THRB: variants seen among roughly 807,000 people sequenced by gnomAD.
THRB encodes the protein thyroid hormone receptor beta.
A neutral mutation model predicts 47.8 loss-of-function variants in THRB; 12 were observed. The ratio of observed to expected loss-of-function variants is 0.25; its 90% confidence interval spans 0.16 to 0.41. THRB has a LOEUF of 0.41. Ranked by LOEUF, THRB falls within the 10% of genes least tolerant of loss-of-function variation. The pLI, the probability that THRB is intolerant of heterozygous loss-of-function variation, is 1.00. For synonymous variants in THRB, 218 were observed against 212.2 expected (o/e 1.03, Z -0.24); for missense variants, 348 against 589.2 (o/e 0.59, Z 4.24).
chr3:24,479,138 A>C (rs1161632763), intron 1 of THRB, among the ~76,000 whole-genome samples: 6 of 152,080 alleles, frequency 3.9e-5, no homozygotes, highest in Non-Finnish European at 7.4e-5. Flanking sequence ...CTCTATTAAA[A>C]ATACAAAAAA....
At chr3:24,245,685 G>A (rs1430368917) in intron 3 of THRB, among the ~76,000 whole-genome samples, 1 of 152,130 alleles carries the variant, frequency 6.6e-6, no homozygotes, top group Non-Finnish European at 1.5e-5. Flanking sequence ...GACCGAGGCG[G>A]GCAGATCACT....
At chr3:24,354,288 G>T (rs139133859) in intron 1 of THRB, among the ~76,000 whole-genome samples, 1 of 152,048 alleles carries the variant, frequency 6.6e-6, no homozygotes, top group Non-Finnish European at 1.5e-5. Context: ...CTTAATACCT[G>T]GGTGATGAAA....
intron 10 of THRB, 39 bp downstream of exon 10, chr3:24,127,460 G>T: frequency 1.2e-6 from 2 of 1,612,976 alleles, no homozygotes; most frequent in African/African-American, 1.3e-5. Context: ...ACAAGCAAAA[G>T]CTCTTTGGAT....
rs933350756 is a variant in THRB, at chr3:24,427,875, T to C, written c.-261+66777A>G. ...TCTTATTCTTTCTTGATTCACTTCC[T>C]GAGGTTTTCCTTGAAATATCAGAAG... is the stretch of plus-strand genomic sequence containing the variant. On this transcript the variant is annotated intron_variant, in intron 1 of 10. Coordinates refer to ENST00000646209, the MANE Select transcript of THRB (RefSeq NM_001354712.2). 1.2e-4 allele frequency among the ~76,000 whole-genome samples: 18 copies of C among 152,164 alleles called. No individual in the cohort carries two copies. The South Asian group carries it at 1.5e-3, about 12-fold the overall frequency.
intron 1 of THRB, among the ~76,000 whole-genome samples, chr3:24,393,621 T>G (rs576403288): frequency 6.6e-6 from 1 of 152,124 alleles, no homozygotes; most frequent in South Asian, 2.1e-4. Flanking sequence ...TCCTTGCATA[T>G]TCACAGTAAA....
intron 1 of THRB, among the ~76,000 whole-genome samples, chr3:24,383,065 C>T (rs568488612): frequency 2.0e-5 from 3 of 152,238 alleles, no homozygotes; most frequent in South Asian, 2.1e-4. Context: ...GAGAAACTCA[C>T]GTACTCTTTT....
chr3:24,144,156 G>C (rs187366480), intron 7 of THRB: 126 of 188,078 alleles, frequency 6.7e-4, no homozygotes, highest in Non-Finnish European at 1.2e-3. Flanking sequence ...AAACGTTATG[G>C]AATTAAAAAA....
At chr3:24,320,685 T>C (rs2149288501) in intron 2 of THRB, among the ~76,000 whole-genome samples, 1 of 152,240 alleles carries the variant, frequency 6.6e-6, no homozygotes, top group Non-Finnish European at 1.5e-5. Context: ...AAACATAATA[T>C]TAATAACAAA....
intron 2 of THRB, among the ~76,000 whole-genome samples, chr3:24,312,063 T>C (rs2057794080): frequency 6.6e-6 from 1 of 152,240 alleles, no homozygotes; most frequent in South Asian, 2.1e-4. Context: ...ACTGTGTTTT[T>C]GCATGTGCTG....
At chr3:24,227,776 A>G (rs1165102221) in intron 4 of THRB, among the ~76,000 whole-genome samples, 1 of 152,108 alleles carries the variant, frequency 6.6e-6, no homozygotes, top group Non-Finnish European at 1.5e-5. Context: ...GGTGACATGA[A>G]TAGATAATCA....
intron 1 of THRB, among the ~76,000 whole-genome samples, chr3:24,406,427 A>T (rs2067832280): frequency 6.6e-6 from 1 of 151,794 alleles, no homozygotes; most frequent in African/African-American, 2.4e-5. Flanking sequence ...CATCTATTGT[A>T]ACAGCAGATT....
intron 3 of THRB, among the ~76,000 whole-genome samples, chr3:24,237,279 A>G (rs1159677643): frequency 6.6e-6 from 1 of 152,210 alleles, no homozygotes; most frequent in Non-Finnish European, 1.5e-5. Context: ...GCAAAGCTAT[A>G]CTTTTCATTT....
intron 5 of THRB, among the ~76,000 whole-genome samples, chr3:24,173,821 G>T (rs886983145): frequency 6.6e-6 from 1 of 152,100 alleles, no homozygotes; most frequent in Non-Finnish European, 1.5e-5. Flanking sequence ...GCTATTGCCC[G>T]TGTGCAGATG....
chr3:24,463,730 T>A (rs990201111), intron 1 of THRB, among the ~76,000 whole-genome samples: 2 of 152,222 alleles, frequency 1.3e-5, no homozygotes, highest in East Asian at 3.9e-4. Flanking sequence ...TAGAGTCTCA[T>A]GGTAGACAAA....
chr3:24,256,060 G>A (rs2051245954), intron 3 of THRB, among the ~76,000 whole-genome samples: 1 of 152,180 alleles, frequency 6.6e-6, no homozygotes, highest in South Asian at 2.1e-4. Context: ...GAAACAGCGA[G>A]CTAGTGAGAG....
intron 1 of THRB, among the ~76,000 whole-genome samples, chr3:24,351,961 G>C (rs1210084225): frequency 6.6e-6 from 1 of 152,130 alleles, no homozygotes; most frequent in Non-Finnish European, 1.5e-5. Context: ...GAAACACAAA[G>C]ACACTTTTTG....
intron 8 of THRB, among the ~76,000 whole-genome samples, chr3:24,138,688 C>T (rs997917234): frequency 3.3e-5 from 5 of 152,182 alleles, no homozygotes; most frequent in East Asian, 1.9e-4. Context: ...GCCTTCCTGA[C>T]GTGATTGCAC....
chr3:24,343,915 A>G (rs2062842639), intron 1 of THRB, among the ~76,000 whole-genome samples: 1 of 144,256 alleles, frequency 6.9e-6, no homozygotes, highest in African/African-American at 2.6e-5. Context: ...ATATTTATTT[A>G]TATATTATAT....
intron 3 of THRB, among the ~76,000 whole-genome samples, chr3:24,271,176 T>A (rs772053136): frequency 6.6e-6 from 1 of 152,236 alleles, no homozygotes; most frequent in Non-Finnish European, 1.5e-5. Context: ...AACCAAAGTG[T>A]CATTCCTTCT....
Sources: gnomAD v4.1 joint callset for allele counts (sites outside exome capture counted in the v4.1 genomes callset) on GRCh38, gnomAD v4.1.1 for gene constraint, MANE v1.5 for transcripts, NCBI Gene and HGNC (gene_info 2026-07-23, HGNC 2026-07-21) for gene names.